Variants in RDH11 observed in about 807,000 individuals in gnomAD.
The protein encoded by RDH11 is HCV core-binding protein HCBP12.
A neutral mutation model predicts 33.4 loss-of-function variants in RDH11; 19 were observed. That is an observed-to-expected ratio of 0.57 (90% confidence interval 0.40 to 0.83). The LOEUF (loss-of-function observed/expected upper bound fraction) is 0.83, where lower values mean the gene tolerates loss of function less well. Ranked by LOEUF, RDH11 falls within the 40% of genes least tolerant of loss-of-function variation. The pLI is 0.00. For missense variants in RDH11, 353 were observed against 389.0 expected (o/e 0.91, Z 0.78); for synonymous variants, 154 against 155.3 (o/e 0.99, Z 0.06).
intron 6 of RDH11, among the ~76,000 whole-genome samples, chr14:67,682,828 A>G (rs2037630857): frequency 6.6e-6 from 1 of 152,252 alleles, no homozygotes; most frequent in Admixed American, 6.5e-5. Context: ...GTGCAAACCC[A>G]AATGCCCATC....
intron 5 of RDH11, among the ~76,000 whole-genome samples, chr14:67,685,511 T>TG (rs1215464262): frequency 1.3e-5 from 2 of 152,086 alleles, no homozygotes; most frequent in Admixed American, 6.6e-5. Context: ...TTTTTAGAGA[T>TG]GGGGTCTCCC....
intron 5 of RDH11, among the ~76,000 whole-genome samples, chr14:67,688,791 T>C (rs2037712515): frequency 6.6e-6 from 1 of 152,164 alleles, no homozygotes; most frequent in Non-Finnish European, 1.5e-5. Context: ...TGATTTTACA[T>C]TTAATAGTTT....
At chr14:67,692,356 G>T in intron 3 of RDH11, 82 bp downstream of exon 3, 1 of 1,477,492 alleles carries the variant, frequency 6.8e-7, no homozygotes, top group Non-Finnish European at 9.3e-7. Context: ...CTTCTATGAG[G>T]AAGAGGGACC....
intron 5 of RDH11, among the ~76,000 whole-genome samples, chr14:67,688,598 C>CTTT (rs34047695): frequency 5.9e-5 from 8 of 136,536 alleles, no homozygotes; most frequent in Non-Finnish European, 9.5e-5. Context: ...GCTTTGAACT[C>CTTT]TTTTTTTTTT....
intron 5 of RDH11, 141 bp from the exon 6 acceptor site, chr14:67,685,345 A>T: frequency 1.6e-6 from 1 of 629,904 alleles, no homozygotes; most frequent in Non-Finnish European, 2.7e-6. Flanking sequence ...TACTGCTCAC[A>T]GTAATTTATA....
Position 67,690,214 on chromosome 14 carries a change from T to G in RDH11, c.662A>C (p.Lys221Thr). The change falls in exon 5 of 7, where the codon AAA becomes ACA. Residue 221 changes from lysine to threonine, a missense_variant and splice_region_variant. By Grantham distance (78) the Lys-to-Thr change is moderately conservative (BLOSUM62 -1). Transcript: ENST00000381346. The part of the protein sequence containing the change: ...LFTQELARRL[K>T]GSGVTTYSVH... Reference sequence around the variant, plus strand: ...ACATTCATTTCCTCTAGGCCCACCTTTTAGTCTCCGGGCCAGTTCCTGGGT... The same window carrying G: ...ACATTCATTTCCTCTAGGCCCACCTGTTAGTCTCCGGGCCAGTTCCTGGGT... 1 of 1,612,374 alleles carries G rather than the reference T, an allele frequency of 6.2e-7. No individual in the cohort carries two copies. The highest frequency in any genetic ancestry group is 8.5e-7 in the Non-Finnish European group (1 of 1,179,394).
intron 6 of RDH11, among the ~76,000 whole-genome samples, chr14:67,680,385 G>T (rs2037599774): frequency 6.6e-6 from 1 of 152,162 alleles, no homozygotes; most frequent in South Asian, 2.1e-4. Context: ...TCTTCATAAG[G>T]TTACAGTTAA....
chr14:67,688,608 T>C (rs1271466703), intron 5 of RDH11, among the ~76,000 whole-genome samples: 2 of 151,742 alleles, frequency 1.3e-5, no homozygotes, highest in African/African-American at 2.4e-5. Context: ...CTTTTTTTTT[T>C]TTTTTTGGTA....
intron 2 of RDH11, 90 bp from the exon 3 acceptor site, chr14:67,692,683 AAC>A: frequency 4.8e-6 from 7 of 1,458,648 alleles, no homozygotes; most frequent in Non-Finnish European, 6.4e-6. Context: ...TTTTTTAAAA[AAC>A]ACACATTTTT....
intron 6 of RDH11, among the ~76,000 whole-genome samples, chr14:67,684,334 G>T (rs1394404239): frequency 6.6e-6 from 1 of 152,102 alleles, no homozygotes; most frequent in African/African-American, 2.4e-5. Context: ...TGTGATGCCT[G>T]GGATTTGCTT....
At chr14:67,681,681 C>A (rs955743314) in intron 6 of RDH11, among the ~76,000 whole-genome samples, 1 of 152,110 alleles carries the variant, frequency 6.6e-6, no homozygotes, top group African/African-American at 2.4e-5. Flanking sequence ...ACTCGGGAGG[C>A]TGAGACAGGA....
In RDH11 at chr14:67,695,734, A is replaced by T. The variant is rs372338135; in HGVS notation, c.-31T>A. 5.6e-6 allele frequency: 9 copies of T among 1,609,540 alleles called. No individual in the cohort carries two copies. In the East Asian group the frequency reaches 2.0e-4, roughly 36 times the overall value. ...CCGGCTGCAGCGGCACCAGAGCGGGATGCTCCAGCGTTGCTCGCCGACTAT... is the reference window on the plus strand; with the variant it reads ...CCGGCTGCAGCGGCACCAGAGCGGGTTGCTCCAGCGTTGCTCGCCGACTAT... On this transcript the variant is annotated 5_prime_UTR_variant, in exon 1 of 7. Coordinates refer to ENST00000381346, the MANE Select transcript of RDH11 (RefSeq NM_016026.4).
chr14:67,694,518 T>A lies in RDH11; in HGVS notation c.74+1112A>T, dbSNP rs979449338. 7.1e-4 allele frequency among the ~76,000 whole-genome samples: 57 copies of A among 80,516 alleles called. No individual in the cohort carries two copies. The East Asian group carries it at 0.011, about 15-fold the overall frequency. 52.8% of individuals were successfully genotyped at this position (80,516 alleles called of 152,430 possible). On this transcript the variant is annotated intron_variant, in intron 1 of 6. Coordinates refer to ENST00000381346, the MANE Select transcript of RDH11 (RefSeq NM_016026.4). ...TATATATATATATACACACATATAT[T>A]TTTTTTTTTTCCAGAAAAATCCCTC...
intron 2 of RDH11, 85 bp from the exon 3 acceptor site, chr14:67,692,678 T>TA (rs1368864635): frequency 6.8e-7 from 1 of 1,461,824 alleles, no homozygotes; most frequent in East Asian, 2.3e-5. Context: ...AACATTTTTT[T>TA]AAAAAACACA....
intron 1 of RDH11, among the ~76,000 whole-genome samples, chr14:67,694,804 C>T (rs2037808028): frequency 6.6e-6 from 1 of 152,100 alleles, no homozygotes; most frequent in Non-Finnish European, 1.5e-5. Flanking sequence ...TGTGATCTGG[C>T]CTGGCTTCAA....
Position 67,678,402 on chromosome 14 carries a change from G to A in RDH11, c.876C>T (p.Val292=). ...TAGTCTCATTACGAGCTTGGGCAGAGACCCATGCCACATGACAGTCACTGG... is the reference window on the plus strand; with the variant it reads ...TAGTCTCATTACGAGCTTGGGCAGAAACCCATGCCACATGACAGTCACTGG... ...NHFSDCHVAW[V]SAQARNETIA... is the part of the protein sequence containing the mutation. Residue 292 remains valine, a synonymous_variant, in exon 7 of 7, where the codon GTC becomes GTT. Coordinates refer to ENST00000381346, the MANE Select transcript of RDH11 (RefSeq NM_016026.4). 3 of 1,613,654 alleles carry A rather than the reference G, an allele frequency of 1.9e-6. No individual in the cohort carries two copies. Among genetic ancestry groups the A allele is most frequent in the Non-Finnish European group, 1.7e-6 (2 of 1,179,640 alleles).
intron 6 of RDH11, among the ~76,000 whole-genome samples, chr14:67,681,007 C>A (rs945939701): frequency 1.3e-5 from 2 of 152,196 alleles, no homozygotes; most frequent in Non-Finnish European, 1.5e-5. Flanking sequence ...CTGTTATACT[C>A]CAATTGTGTT....
Position 67,679,443 on chromosome 14 carries a change from G to A in RDH11, c.855-1020C>T, listed in dbSNP as rs1187442247. On this transcript the variant is annotated intron_variant, in intron 6 of 6. Coordinates refer to ENST00000381346, the MANE Select transcript of RDH11 (RefSeq NM_016026.4). ...TTTGGAGGCGGAGTCTCACTCTGTC[G>A]CCCAGGCTGGAGTGCAGTGATGCGA... Among the ~76,000 whole-genome samples the A allele has an allele frequency of 5.6e-5, 8 of 142,572 alleles. No individual in the cohort carries two copies. In the East Asian group the frequency reaches 6.1e-4, roughly 11 times the overall value. The allele number at this position is 142,572 out of a possible 152,430, so 93.5% of individuals were successfully genotyped here.
chr14:67,685,691 C>T (rs987964095), intron 5 of RDH11, among the ~76,000 whole-genome samples: 8 of 152,004 alleles, frequency 5.3e-5, no homozygotes, highest in African/African-American at 1.7e-4. Context: ...CATGATCTTC[C>T]TTCTGCCACT....
Sources: allele counts gnomAD v4.1 joint callset (sites outside exome capture counted in the v4.1 genomes callset), GRCh38; gene constraint gnomAD v4.1.1; transcripts MANE v1.5; gene names NCBI Gene and HGNC (gene_info 2026-07-23, HGNC 2026-07-21).